The following ZNF804B variants were observed in gnomAD, a reference collection of about 807,000 sequenced individuals.
ZNF804B encodes the protein zinc finger 804B.
In ZNF804B, 80 loss-of-function variants were observed where a neutral mutation model predicts 101.4. That is an observed-to-expected ratio of 0.79 (90% confidence interval 0.66 to 0.95). ZNF804B has a LOEUF of 0.95. Among genes scored for constraint, ZNF804B ranks in the 40% least tolerant of loss-of-function variants. ZNF804B has a pLI of 0.00. For synonymous variants in ZNF804B, 622 were observed against 558.8 expected (o/e 1.11, Z -1.59); for missense variants, 1,673 against 1,561.9 (o/e 1.07, Z -1.20).
At chr7:89,221,595 T>C (rs1277755448) in intron 2 of ZNF804B, among the ~76,000 whole-genome samples, 2 of 151,990 alleles carry the variant, frequency 1.3e-5, no homozygotes, top group Non-Finnish European at 2.9e-5. Context: ...TCCCGTGTAC[T>C]CTGGAATCCT....
intron 2 of ZNF804B, among the ~76,000 whole-genome samples, chr7:89,295,174 T>C (rs1404041): frequency 0.61 from 92,483 of 151,978 alleles, 28,436 homozygotes; most frequent in East Asian, 0.9. Context: ...GTTTTTATTT[T>C]GACAGTGAGG....
intron 2 of ZNF804B, among the ~76,000 whole-genome samples, chr7:89,245,096 TACAA>T (rs1162040368): frequency 6.6e-6 from 1 of 152,098 alleles, no homozygotes; most frequent in Non-Finnish European, 1.5e-5. Flanking sequence ...AAGAGATTAA[TACAA>T]ACATCAAAAT....
intron 1 of ZNF804B, among the ~76,000 whole-genome samples, chr7:89,036,591 GTTTCT>G (rs1166926522): frequency 6.6e-6 from 1 of 152,050 alleles, no homozygotes; most frequent in East Asian, 1.9e-4. Flanking sequence ...ACAAAACTAT[GTTTCT>G]TTTATCAACT....
chr7:89,047,962 A>G (rs1041322377), intron 1 of ZNF804B, among the ~76,000 whole-genome samples: 5 of 144,138 alleles, frequency 3.5e-5, no homozygotes, highest in Admixed American at 2.1e-4. Context: ...TTTTCTTTTT[A>G]TTAATTTCCA....
intron 2 of ZNF804B, among the ~76,000 whole-genome samples, chr7:89,225,895 G>A (rs749462470): frequency 2.6e-5 from 4 of 152,056 alleles, no homozygotes; most frequent in Non-Finnish European, 5.9e-5. Context: ...AGTTTATGTT[G>A]GTACACAAGA....
chr7:89,073,122 A>AG (rs757560212), intron 1 of ZNF804B, among the ~76,000 whole-genome samples: 2 of 152,218 alleles, frequency 1.3e-5, no homozygotes, highest in Non-Finnish European at 2.9e-5. Context: ...AATTTTTAAA[A>AG]GACTAGTTAT....
At chr7:89,041,589 C>T (rs1307576539) in intron 1 of ZNF804B, among the ~76,000 whole-genome samples, 1 of 152,196 alleles carries the variant, frequency 6.6e-6, no homozygotes, top group Non-Finnish European at 1.5e-5. Flanking sequence ...AGCCTAGATT[C>T]TGAGACCACG....
At chr7:89,002,376 A>G (rs1788303395) in intron 1 of ZNF804B, among the ~76,000 whole-genome samples, 1 of 151,826 alleles carries the variant, frequency 6.6e-6, no homozygotes, top group African/African-American at 2.4e-5. Context: ...TTTAAACCTC[A>G]TATATTTTCC....
chr7:89,102,712 AGT>A (rs1790073739), intron 1 of ZNF804B, among the ~76,000 whole-genome samples: 1 of 151,624 alleles, frequency 6.6e-6, no homozygotes, highest in South Asian at 2.1e-4. Context: ...TTTTTGGTTT[AGT>A]TAGATTTGCT....
chr7:89,244,510 A>G (rs759850392), intron 2 of ZNF804B, among the ~76,000 whole-genome samples: 54 of 152,272 alleles, frequency 3.5e-4, no homozygotes, highest in Admixed American at 3.9e-4. Flanking sequence ...AAATTGCACA[A>G]AAATAAAAGG....
intron 1 of ZNF804B, among the ~76,000 whole-genome samples, chr7:89,002,228 G>A (rs778823342): frequency 3.3e-5 from 5 of 151,728 alleles, no homozygotes; most frequent in Non-Finnish European, 7.4e-5. Context: ...AGATTTGTGA[G>A]TACAATTTAT....
intron 2 of ZNF804B, among the ~76,000 whole-genome samples, chr7:89,255,714 C>T (rs564832621): frequency 1.3e-5 from 2 of 151,750 alleles, no homozygotes; most frequent in East Asian, 1.9e-4. Context: ...AGCAGATAGC[C>T]TAAGGAAAAC....
chr7:89,253,806 A>T (rs1443598367), intron 2 of ZNF804B, among the ~76,000 whole-genome samples: 2 of 152,122 alleles, frequency 1.3e-5, no homozygotes, highest in African/African-American at 4.8e-5. Flanking sequence ...CCATCAATTT[A>T]AAAAATAAAA....
chr7:89,109,152 A>G (rs554542441), intron 1 of ZNF804B, among the ~76,000 whole-genome samples: 1 of 150,880 alleles, frequency 6.6e-6, no homozygotes, highest in South Asian at 2.1e-4. Flanking sequence ...TTACCAGGAA[A>G]ATACTTGGAT....
intron 1 of ZNF804B, among the ~76,000 whole-genome samples, chr7:89,164,423 G>C (rs1407199034): frequency 6.6e-6 from 1 of 151,966 alleles, no homozygotes; most frequent in African/African-American, 2.4e-5. Flanking sequence ...TAGGTGGATT[G>C]GTATTTTGTA....
chr7:89,143,195 G>A (rs7783633), intron 1 of ZNF804B, among the ~76,000 whole-genome samples: 91,272 of 151,236 alleles, frequency 0.6, 27,894 homozygotes, highest in African/African-American at 0.71. Flanking sequence ...AAAGCCACAT[G>A]TAAATTTTAT....
chr7:89,196,861 GA>G (rs1228764629), intron 1 of ZNF804B, among the ~76,000 whole-genome samples: 1 of 151,958 alleles, frequency 6.6e-6, no homozygotes, highest in East Asian at 1.9e-4. Context: ...ACAAACATAT[GA>G]AAAAAAGCTC....
chr7:89,155,964 GTC>G (rs994430990), intron 1 of ZNF804B, among the ~76,000 whole-genome samples: 14 of 141,052 alleles, frequency 9.9e-5, no homozygotes, highest in Admixed American at 2.2e-4. Flanking sequence ...TCCCTCCTCT[GTC>G]TCTCTCTCTT....
At chr7:88,890,324 A>G (rs1196540033) in intron 1 of ZNF804B, among the ~76,000 whole-genome samples, 1 of 152,180 alleles carries the variant, frequency 6.6e-6, no homozygotes, top group Non-Finnish European at 1.5e-5. Context: ...TAATGAATAA[A>G]TCTCCTGTAA....
Sources: gnomAD v4.1 joint callset for allele counts (sites outside exome capture counted in the v4.1 genomes callset) on GRCh38, gnomAD v4.1.1 for gene constraint, MANE v1.5 for transcripts, NCBI Gene and HGNC (gene_info 2026-07-23, HGNC 2026-07-21) for gene names.